Variants in DENND1A observed in about 807,000 individuals in gnomAD.
DENND1A encodes the protein DENN domain containing 1A.
In DENND1A, 51 loss-of-function variants were observed where a neutral mutation model predicts 113.7. The observed-to-expected ratio is 0.45, with a 90% CI of 0.36 to 0.57. The LOEUF (loss-of-function observed/expected upper bound fraction) is 0.57. Ranked by LOEUF, DENND1A falls within the 20% of genes least tolerant of loss-of-function variation. DENND1A has a pLI of 0.00. For synonymous variants in DENND1A, 565 were observed against 570.8 expected (o/e 0.99, Z 0.14); for missense variants, 1,258 against 1,395.9 (o/e 0.90, Z 1.57).
chr9:123,774,014 A>C (rs1590030645), intron 3 of DENND1A, among the ~76,000 whole-genome samples: 1 of 152,222 alleles, frequency 6.6e-6, no homozygotes, highest in South Asian at 2.1e-4. Flanking sequence ...AACGACAGTG[A>C]AAGAGGAAGG....
intron 5 of DENND1A, among the ~76,000 whole-genome samples, chr9:123,701,130 G>T (rs1176361079): frequency 6.6e-6 from 1 of 152,134 alleles, no homozygotes; most frequent in African/African-American, 2.4e-5. Flanking sequence ...GTGCTCTTAA[G>T]TTATGCAGAG....
At chr9:123,746,024 T>C (rs1054896459) in intron 5 of DENND1A, among the ~76,000 whole-genome samples, 4 of 152,214 alleles carry the variant, frequency 2.6e-5, no homozygotes, top group Non-Finnish European at 4.4e-5. Flanking sequence ...GATGTATACA[T>C]AGGTGAAAAA....
At chr9:123,728,869 A>G (rs1233428367) in intron 5 of DENND1A, among the ~76,000 whole-genome samples, 3 of 152,220 alleles carry the variant, frequency 2.0e-5, no homozygotes, top group African/African-American at 4.8e-5. Flanking sequence ...AATCCTCAAT[A>G]AAATACTGGC....
chr9:123,874,855 T>C (rs1847211115), intron 2 of DENND1A, among the ~76,000 whole-genome samples: 1 of 152,206 alleles, frequency 6.6e-6, no homozygotes, highest in Non-Finnish European at 1.5e-5. Flanking sequence ...ACAATCCATT[T>C]TGTAAAAGTA....
intron 13 of DENND1A, among the ~76,000 whole-genome samples, chr9:123,545,268 G>A (rs2056584587): frequency 6.6e-6 from 1 of 152,042 alleles, no homozygotes; most frequent in Non-Finnish European, 1.5e-5. Flanking sequence ...TGAATGTCAT[G>A]TAGTCATATA....
intron 23 of DENND1A, among the ~76,000 whole-genome samples, chr9:123,382,945 A>C (rs1261136760): frequency 6.6e-6 from 1 of 152,220 alleles, no homozygotes; most frequent in Non-Finnish European, 1.5e-5. Context: ...AGGCACCCGC[A>C]ATCACCTGTA....
intron 22 of DENND1A, among the ~76,000 whole-genome samples, chr9:123,384,909 C>A (rs2130903357): frequency 6.6e-6 from 1 of 152,280 alleles, no homozygotes; most frequent in East Asian, 1.9e-4. Flanking sequence ...GATCACAACA[C>A]TGCACTCCAG....
Position 123,782,776 on chromosome 9 carries a change from A to G in DENND1A, c.132+9811T>C, listed in dbSNP as rs149559985. Among the ~76,000 whole-genome samples the G allele has an allele frequency of 5.3e-5, 8 of 152,368 alleles. No individual in the cohort carries two copies. In the East Asian group the frequency reaches 1.5e-3, roughly 29 times the overall value. On this transcript the variant is annotated intron_variant, in intron 3 of 23. Transcript: ENST00000394215. ...AAGCACTGTGAAACAACATTATATC[A>G]CACAATTTATGTAAATAATCTTTGA...
chr9:123,706,199 G>A (rs1037292080), intron 5 of DENND1A, among the ~76,000 whole-genome samples: 2 of 148,114 alleles, frequency 1.4e-5, no homozygotes, highest in African/African-American at 2.5e-5. Flanking sequence ...GCCGGACTGC[G>A]GACTGCAGTG....
chr9:123,678,053 C>T (rs1314066000), intron 5 of DENND1A, among the ~76,000 whole-genome samples: 5 of 152,102 alleles, frequency 3.3e-5, no homozygotes, highest in Non-Finnish European at 5.9e-5. Flanking sequence ...CCCTCACCCC[C>T]TCCCCATCCC....
chr9:123,430,564 G>A (rs1385530879), intron 19 of DENND1A, among the ~76,000 whole-genome samples: 1 of 152,190 alleles, frequency 6.6e-6, no homozygotes, highest in Non-Finnish European at 1.5e-5. Flanking sequence ...CAGCAAACTA[G>A]TGCAGGAATA....
In DENND1A at chr9:123,779,755, T is replaced by A. The variant is rs540983350; in HGVS notation, c.133-10192A>T. 5.9e-5 allele frequency among the ~76,000 whole-genome samples: 9 copies of A among 152,192 alleles called. No individual in the cohort carries two copies. The East Asian group carries it at 1.2e-3, about 20-fold the overall frequency. On this transcript the variant is annotated intron_variant, in intron 3 of 23. Coordinates refer to ENST00000394215, the MANE Select transcript of DENND1A (RefSeq NM_001352964.2). ...ACTCAAGCGATTCACCCACTTCTGCTCCTTGGCACATTCAAGGAACTGAAA... is the reference window on the plus strand; with the variant it reads ...ACTCAAGCGATTCACCCACTTCTGCACCTTGGCACATTCAAGGAACTGAAA...
intron 13 of DENND1A, chr9:123,462,084 T>C (rs2048574848): frequency 6.6e-6 from 1 of 152,240 alleles, no homozygotes; most frequent in East Asian, 1.9e-4. Flanking sequence ...CCAACTCTTC[T>C]ATCTTAATCC....
intron 5 of DENND1A, among the ~76,000 whole-genome samples, chr9:123,720,203 G>C (rs1429305389): frequency 6.6e-6 from 1 of 152,154 alleles, no homozygotes; most frequent in Admixed American, 6.5e-5. Context: ...ATTCAAACAG[G>C]GAGGGCCCCT....
chr9:123,552,829 G>A (rs755886521), intron 13 of DENND1A, among the ~76,000 whole-genome samples: 4 of 152,244 alleles, frequency 2.6e-5, no homozygotes, highest in Non-Finnish European at 5.9e-5. Flanking sequence ...GGCCTTAAAT[G>A]GACTCACATC....
intron 13 of DENND1A, among the ~76,000 whole-genome samples, chr9:123,549,395 T>A (rs1283433624): frequency 6.6e-6 from 1 of 152,190 alleles, no homozygotes; most frequent in African/African-American, 2.4e-5. Context: ...TCTGCTTGTC[T>A]GTGTGGAGGG....
chr9:123,863,356 G>T (rs562681988), intron 2 of DENND1A, among the ~76,000 whole-genome samples: 3 of 152,152 alleles, frequency 2.0e-5, no homozygotes, highest in Non-Finnish European at 4.4e-5. Context: ...CTCAAACAAT[G>T]ATAAACTCCC....
intron 9 of DENND1A, among the ~76,000 whole-genome samples, chr9:123,647,537 G>A (rs1329073096): frequency 6.6e-6 from 1 of 152,184 alleles, no homozygotes; most frequent in African/African-American, 2.4e-5. Context: ...TTCTCTCCCT[G>A]TGAGGAAACC....
chr9:123,507,631 T>C (rs1260266681), intron 13 of DENND1A, among the ~76,000 whole-genome samples: 1 of 151,762 alleles, frequency 6.6e-6, no homozygotes, highest in Non-Finnish European at 1.5e-5. Flanking sequence ...GGCAGCTCGC[T>C]TAAACCCAGG....
Sources: gnomAD v4.1 joint callset for allele counts (sites outside exome capture counted in the v4.1 genomes callset) on GRCh38, gnomAD v4.1.1 for gene constraint, MANE v1.5 for transcripts, NCBI Gene and HGNC (gene_info 2026-07-23, HGNC 2026-07-21) for gene names.